CPQ: variants seen among roughly 807,000 people sequenced by gnomAD.
The protein encoded by CPQ is Ser-Met dipeptidase.
CPQ carries 37 observed loss-of-function variants against 45.7 expected under a neutral mutation model. That is an observed-to-expected ratio of 0.81 (90% CI 0.62 to 1.07). The LOEUF (loss-of-function observed/expected upper bound fraction) is 1.07. Among genes scored for constraint, CPQ ranks in the 50% least tolerant of loss-of-function variants. CPQ has a pLI of 0.00. For missense variants in CPQ, 537 were observed against 572.9 expected (o/e 0.94, Z 0.64); for synonymous variants, 186 against 205.8 (o/e 0.90, Z 0.82).
At chr8:96,845,459 T>C (rs1811672690) in intron 3 of CPQ, among the ~76,000 whole-genome samples, 1 of 152,180 alleles carries the variant, frequency 6.6e-6, no homozygotes, top group Non-Finnish European at 1.5e-5. Flanking sequence ...AACAGATACA[T>C]ACTGTATTAT....
intron 7 of CPQ, among the ~76,000 whole-genome samples, chr8:97,078,800 T>TCTCC (rs1810896690): frequency 7.1e-6 from 1 of 141,200 alleles, no homozygotes; most frequent in Non-Finnish European, 1.5e-5. Flanking sequence ...TCTCTCTCTC[T>TCTCC]CTCTCTCCCT....
intron 2 of CPQ, among the ~76,000 whole-genome samples, chr8:96,800,266 A>G (rs1810988836): frequency 6.6e-6 from 1 of 152,218 alleles, no homozygotes. Flanking sequence ...TGTTCAACTC[A>G]TTAGTAATAA....
chr8:97,124,283 T>A (rs1188427478), intron 7 of CPQ, among the ~76,000 whole-genome samples: 1 of 110,214 alleles, frequency 9.1e-6, no homozygotes, highest in African/African-American at 3.4e-5. Flanking sequence ...CTTTGAAAAC[T>A]ACATGAAGAA....
At chr8:96,673,473 G>A (rs1356523652) in intron 1 of CPQ, among the ~76,000 whole-genome samples, 3 of 152,152 alleles carry the variant, frequency 2.0e-5, no homozygotes, top group African/African-American at 7.2e-5. Flanking sequence ...CTGATTGGTG[G>A]TGGGAGGGGA....
At chr8:96,728,356 C>T (rs558268074) in intron 1 of CPQ, among the ~76,000 whole-genome samples, 3 of 152,166 alleles carry the variant, frequency 2.0e-5, no homozygotes, top group African/African-American at 7.2e-5. Context: ...AGTTTTAGGG[C>T]TTCTCTGCTT....
At position 96,686,964 on chromosome 8, in the gene CPQ, T is replaced by A. The variant is rs1288975964; in HGVS notation, c.-35+41562T>A. On this transcript the variant is annotated intron_variant, in intron 1 of 7. Transcript: ENST00000220763. The stretch of plus-strand genomic sequence containing the variant: ...ACTCACACTGAATTGATCAAACTGG[T>A]GTTATAGGAGTCTTTTAATTTTTTT... Among the ~76,000 whole-genome samples the A allele has an allele frequency of 5.9e-5, 9 of 152,188 alleles. No homozygotes were observed. In the East Asian group the frequency reaches 1.7e-3, roughly 29 times the overall value.
intron 4 of CPQ, among the ~76,000 whole-genome samples, chr8:96,918,414 G>GT (rs954208242): frequency 6.6e-6 from 1 of 151,586 alleles, no homozygotes; most frequent in Non-Finnish European, 1.5e-5. Flanking sequence ...TTTCCTGTTT[G>GT]TTTTTTTAAA....
chr8:96,743,647 G>A (rs1810128766), intron 1 of CPQ, among the ~76,000 whole-genome samples: 1 of 151,994 alleles, frequency 6.6e-6, no homozygotes, highest in East Asian at 1.9e-4. Context: ...TGTACAGATG[G>A]GTTTTTGGTG....
At chr8:96,741,079 A>G (rs532646875) in intron 1 of CPQ, among the ~76,000 whole-genome samples, 5 of 152,344 alleles carry the variant, frequency 3.3e-5, no homozygotes, top group Admixed American at 3.3e-4. Context: ...CTCTGGTAGA[A>G]TTCGGCTGTG....
At chr8:96,684,551 T>G (rs1809199940) in intron 1 of CPQ, among the ~76,000 whole-genome samples, 1 of 152,022 alleles carries the variant, frequency 6.6e-6, no homozygotes, top group African/African-American at 2.4e-5. Context: ...TGGTGGTGGG[T>G]GGGATCGGCT....
At chr8:97,022,968 T>C (rs1356780394) in intron 5 of CPQ, among the ~76,000 whole-genome samples, 4 of 148,014 alleles carry the variant, frequency 2.7e-5, no homozygotes, top group East Asian at 3.9e-4. Flanking sequence ...CAAAAACATA[T>C]ATATATACTG....
At chr8:96,780,677 C>T (rs1315747355) in intron 1 of CPQ, among the ~76,000 whole-genome samples, 1 of 150,258 alleles carries the variant, frequency 6.7e-6, no homozygotes, top group Admixed American at 6.6e-5. Flanking sequence ...TCCTTCCTTC[C>T]TTTCTTTTCT....
chr8:96,840,824 T>C (rs1351038711), intron 3 of CPQ, among the ~76,000 whole-genome samples: 3 of 152,222 alleles, frequency 2.0e-5, no homozygotes, highest in African/African-American at 7.2e-5. Context: ...TTAAAATCTA[T>C]GGGATGAATC....
intron 1 of CPQ, among the ~76,000 whole-genome samples, chr8:96,690,698 A>C (rs571470531): frequency 1.0e-3 from 158 of 152,306 alleles, no homozygotes; most frequent in Middle Eastern, 3.4e-3. Context: ...TGCCCAGTGC[A>C]GGGGAAATGA....
intron 7 of CPQ, among the ~76,000 whole-genome samples, chr8:97,074,755 G>A (rs1392621847): frequency 1.3e-5 from 2 of 152,092 alleles, no homozygotes; most frequent in Non-Finnish European, 2.9e-5. Context: ...TGGGTGACAA[G>A]AGTGAGACTC....
rs141749917 is a variant in CPQ at position 96,987,550 on chromosome 8, A to T, written c.961+21504A>T. On this transcript the variant is annotated intron_variant, in intron 5 of 7. Transcript: ENST00000220763. ...AGGGACATTTGGGATGCACATCAGA[A>T]AATCAGATGAGAAGTCCGCGTTTGT... 6.7e-3 allele frequency among the ~76,000 whole-genome samples: 1,019 copies of T among 152,336 alleles called. 5 individuals carry two copies. Among genetic ancestry groups the T allele is most frequent in the African/African-American group, 0.023 (951 of 41,578 alleles).
At chr8:96,891,769 A>T (rs1369637719) in intron 4 of CPQ, among the ~76,000 whole-genome samples, 1 of 152,178 alleles carries the variant, frequency 6.6e-6, no homozygotes, top group African/African-American at 2.4e-5. Flanking sequence ...GCTGCATGGT[A>T]AGATGGGCAA....
intron 1 of CPQ, among the ~76,000 whole-genome samples, chr8:96,728,469 G>T (rs1460922819): frequency 6.6e-6 from 1 of 151,954 alleles, no homozygotes; most frequent in Non-Finnish European, 1.5e-5. Flanking sequence ...GCAGTTTTTT[G>T]ATTTAGGAAA....
At chr8:96,857,535 A>T (rs1246490430) in intron 3 of CPQ, among the ~76,000 whole-genome samples, 1 of 152,180 alleles carries the variant, frequency 6.6e-6, no homozygotes, top group African/African-American at 2.4e-5. Context: ...AAAATGAAAA[A>T]TCTTTCTTAA....
Sources: allele counts gnomAD v4.1 joint callset (sites outside exome capture counted in the v4.1 genomes callset), GRCh38; gene constraint gnomAD v4.1.1; transcripts MANE v1.5; gene names NCBI Gene and HGNC (gene_info 2026-07-23, HGNC 2026-07-21).